Variants in CUL4B observed in about 807,000 individuals in gnomAD.
The protein encoded by CUL4B is cullin 4B.
A neutral mutation model predicts 69.2 loss-of-function variants in CUL4B; 1 was observed. That is an observed-to-expected ratio of 0.01 (90% CI 0.01 to 0.07). The LOEUF is 0.07. CUL4B is among the 10% of genes least tolerant of loss of function. The pLI, the probability that CUL4B is intolerant of heterozygous loss-of-function variation, is 1.00. For synonymous variants in CUL4B, 237 were observed against 223.2 expected (o/e 1.06, Z -0.55); for missense variants, 328 against 638.8 (o/e 0.51, Z 5.24).
upstream of CUL4B, chrX:120,561,245 T>G: frequency 2.0e-6 from 1 of 505,428 alleles, no homozygotes; most frequent in East Asian, 3.9e-5. Flanking sequence ...CTCGCGCTAG[T>G]TCGCTCCTGC....
At chrX:120,539,959 A>G (rs753629299) in intron 11 of CUL4B, among the ~76,000 whole-genome samples, 9 of 111,645 alleles carry the variant, frequency 8.1e-5, no homozygotes, top group African/African-American at 1.9e-4. Flanking sequence ...ACTGTAGTGT[A>G]TATCACATCC....
intron 12 of CUL4B, 55 bp from the exon 13 acceptor site, chrX:120,538,825 A>T: frequency 7.5e-6 from 6 of 801,597 alleles, no homozygotes; most frequent in Non-Finnish European, 1.1e-5. Context: ...TACTGACAAA[A>T]CTGCTTTAAA....
At position 120,537,011 on chromosome X, in the gene CUL4B, C is replaced by T. The variant is rs185389157; in HGVS notation, c.1962G>A (p.Pro654=). Residue 654 remains proline (P), a synonymous_variant, in exon 15 of 20, where the codon CCG becomes CCA. Transcript: ENST00000371322. ...TATTCACAGTTAACTCAATATTTCC[C>T]GGAACATTCTGATTCTGCATATACT... The part of the protein sequence containing the change: ...FKQYMQNQNV[P]GNIELTVNIL... 107 of 1,195,779 alleles carry T rather than the reference C, an allele frequency of 8.9e-5. No homozygotes were observed. Among genetic ancestry groups the T allele is most frequent in the Middle Eastern group, 4.6e-4 (2 of 4,308 alleles).
At chrX:120,539,116 TA>T (rs1923837809) in intron 12 of CUL4B, 151 bp downstream of exon 12, 6 of 438,947 alleles carry the variant, frequency 1.4e-5, no homozygotes, top group Non-Finnish European at 1.9e-5. Context: ...GACAATCAGG[TA>T]ACATTCCTCA....
chrX:120,560,349 A>G lies in CUL4B; in HGVS notation c.290T>C (p.Ile97Thr), dbSNP rs773773171. 1 of 1,207,549 alleles carries G rather than the reference A, an allele frequency of 8.3e-7. No homozygotes were observed. Among genetic ancestry groups the G allele is most frequent in the African/African-American group, 1.8e-5 (1 of 57,057 alleles). ...GTCTTCAAAACGCAGCTTCTTCTGTATCGGTACGTGGCTGGAAGCAGCCAC... is the reference window on the plus strand; with the variant it reads ...GTCTTCAAAACGCAGCTTCTTCTGTGTCGGTACGTGGCTGGAAGCAGCCAC... ...VSVAASSHVP[I>T]QKKLRFEDTL... The change falls in exon 1 of 20, where the codon ATA becomes ACA. Residue 97 changes from isoleucine (I) to threonine (T), a missense_variant. Transcript: ENST00000371322.
At chrX:120,567,553 AG>A (rs1373458965), downstream of CUL4B, among the ~76,000 whole-genome samples, 1 of 109,049 alleles carries the variant, frequency 9.2e-6, no homozygotes, top group Non-Finnish European at 1.9e-5. Context: ...AATCTCTGTG[AG>A]GAGGACCTCA....
upstream of CUL4B, chrX:120,561,129 C>T: frequency 2.0e-6 from 2 of 1,016,994 alleles, no homozygotes; most frequent in East Asian, 3.9e-5. Context: ...GGGGCGGTGT[C>T]AACCTCAGGG....
At chrX:120,566,345 G>GTA (rs537274243), upstream of CUL4B, among the ~76,000 whole-genome samples, 911 of 40,657 alleles carry the variant, frequency 0.022, 32 homozygotes, top group South Asian at 0.028. Context: ...GTGTGTATAG[G>GTA]TATATATATA....
chrX:120,563,137 C>G (rs1925388333), upstream of CUL4B, among the ~76,000 whole-genome samples: 1 of 112,386 alleles, frequency 8.9e-6, no homozygotes, highest in Admixed American at 9.4e-5. Flanking sequence ...AAGCAAGGCT[C>G]TAATGGAACT....
rs957693266 is a variant in CUL4B at position 120,543,983 on chromosome X, G to T, written c.1173+131C>A. 34 of 570,710 alleles carry T rather than the reference G, an allele frequency of 6.0e-5. No individual in the cohort carries two copies. The South Asian group carries it at 8.7e-4, about 15-fold the overall frequency. 47.0% of individuals were successfully genotyped at this position (570,710 alleles called of 1,213,427 possible). A position where few individuals can be genotyped will look rare whatever the true frequency, so the allele number is the denominator to read the frequency against. On this transcript the variant is annotated intron_variant, in intron 7 of 19. Coordinates refer to ENST00000371322, the MANE Select transcript of CUL4B (RefSeq NM_001079872.2). Reference sequence around the variant, plus strand: ...TTCTGGCCTTTAAGAAGAGAGAAAAGAAAGGAGCACCTAAGTGAGAGAAGA... The same window carrying T: ...TTCTGGCCTTTAAGAAGAGAGAAAATAAAGGAGCACCTAAGTGAGAGAAGA...
At chrX:120,573,976 G>A (rs1347426313) in intron 2 of CUL4B, among the ~76,000 whole-genome samples, 2 of 108,641 alleles carry the variant, frequency 1.8e-5, no homozygotes, top group Non-Finnish European at 3.8e-5. Context: ...GGCGCGTGCC[G>A]TTACCACGCC....
upstream of CUL4B, among the ~76,000 whole-genome samples, chrX:120,562,535 T>C (rs1022289933): frequency 3.6e-5 from 4 of 111,831 alleles, no homozygotes. Flanking sequence ...AAAACTAATT[T>C]CCATAACAAT....
chrX:120,532,759 CTCT>C (rs1264660053), intron 17 of CUL4B, among the ~76,000 whole-genome samples, 165 bp from the exon 18 acceptor site: 2 of 111,587 alleles, frequency 1.8e-5, no homozygotes, highest in African/African-American at 6.5e-5. Context: ...TTTCCTAGTC[CTCT>C]TCTTTTTTAA....
chrX:120,561,460 G>C, upstream of CUL4B: 1 of 513,340 alleles, frequency 1.9e-6, no homozygotes, highest in South Asian at 2.5e-5. Flanking sequence ...GAAGGGGGGA[G>C]GGAGAAATTG....
exon 2 of CUL4B, chrX:120,574,601 G>T (rs1925814677): frequency 5.0e-6 from 6 of 1,206,492 alleles, no homozygotes; most frequent in Non-Finnish European, 6.7e-6. Context: ...TCCTGATCCA[G>T]ATGACTGTGA....
intron 1 of CUL4B, among the ~76,000 whole-genome samples, chrX:120,558,309 A>T (rs1205213063): frequency 8.9e-6 from 1 of 111,999 alleles, no homozygotes; most frequent in Non-Finnish European, 1.9e-5. Context: ...AAAAATAAAA[A>T]TTCAAGAATG....
At chrX:120,561,467 A>C, upstream of CUL4B, 1 of 379,898 alleles carries the variant, frequency 2.6e-6, no homozygotes, top group Non-Finnish European at 5.0e-6. Context: ...GGAGGGAGAA[A>C]TTGGGGGGAA....
exon 3 of CUL4B, chrX:120,571,312 A>T (rs764525237): frequency 9.8e-5 from 11 of 111,717 alleles, no homozygotes; most frequent in East Asian, 2.8e-4. Flanking sequence ...AGGTTTTTTT[A>T]AAAAAAGTTT....
At chrX:120,554,451 C>A (rs114378992) in intron 2 of CUL4B, among the ~76,000 whole-genome samples, 45 of 112,364 alleles carry the variant, frequency 4.0e-4, no homozygotes, top group African/African-American at 1.3e-3. Context: ...CACTGCCTCA[C>A]ACCCACAGGA....
Sources: gnomAD v4.1 joint callset for allele counts (sites outside exome capture counted in the v4.1 genomes callset) on GRCh38, gnomAD v4.1.1 for gene constraint, MANE v1.5 for transcripts, NCBI Gene and HGNC (gene_info 2026-07-23, HGNC 2026-07-21) for gene names.